TAPT1: variants seen among roughly 807,000 people sequenced by gnomAD.
TAPT1 encodes transmembrane anterior posterior transformation protein 1 homolog.
Under a neutral mutation model 65.6 loss-of-function variants are expected in TAPT1, and 28 were observed. The observed-to-expected ratio is 0.43, with a 90% CI of 0.32 to 0.59. The LOEUF (loss-of-function observed/expected upper bound fraction) is 0.59, where lower values mean the gene tolerates loss of function less well. Among genes scored for constraint, TAPT1 ranks in the 20% least tolerant of loss-of-function variants. The pLI is 0.09. For synonymous variants in TAPT1, 278 were observed against 245.2 expected (o/e 1.13, Z -1.25); for missense variants, 563 against 679.9 (o/e 0.83, Z 1.91).
intron 12 of TAPT1, among the ~76,000 whole-genome samples, chr4:16,168,140 G>A (rs1309608172): frequency 6.6e-6 from 1 of 150,634 alleles, no homozygotes; most frequent in Admixed American, 6.6e-5. Context: ...TTAAGAAGCA[G>A]TCTTGCATTG....
rs757324466 is a variant in TAPT1 at position 16,179,788 on chromosome 4, T to TTA, written c.917-133_917-132dup. 5,100 of 427,338 alleles carry TTA rather than the reference T, an allele frequency of 0.012. 91 individuals are homozygous for TTA. The highest frequency in any genetic ancestry group is 0.046 in the African/African-American group (1,975 of 42,862). 26.5% of individuals were successfully genotyped at this position (427,338 alleles called of 1,614,324 possible). A position where few individuals can be genotyped will look rare whatever the true frequency, so the allele number is the denominator to read the frequency against. ...TATAAATGTCTATAAATATACAACTTTATATATATATATATGTGTGTGTGT... is the reference window on the plus strand; with the variant it reads ...TATAAATGTCTATAAATATACAACTTTATATATATATATATATGTGTGTGTGT... On this transcript the variant is annotated intron_variant, in intron 7 of 13. Coordinates refer to ENST00000405303, the MANE Select transcript of TAPT1 (RefSeq NM_153365.3).
In TAPT1 at chr4:16,191,361, C is replaced by T. The variant is rs1749362178; in HGVS notation, c.612G>A (p.Glu204=). The T allele has an allele frequency of 1.3e-6, 2 of 1,598,446 alleles. No homozygotes were observed. The highest frequency in any genetic ancestry group is 1.1e-5 in the South Asian group (1 of 87,728). Residue 204 remains glutamate, a splice_region_variant and synonymous_variant, in exon 4 of 14, where the codon GAG becomes GAA. Coordinates refer to ENST00000405303, the MANE Select transcript of TAPT1 (RefSeq NM_153365.3). ...IKLYIIYNML[E]VADRLFSSFG... ...TGTGCGGGGTAAGCAAGGCCCTTAC[C>T]TCCAGCATGTTGTAGATGATGTAGA...
chr4:16,203,962 C>T (rs1750190332), intron 2 of TAPT1, among the ~76,000 whole-genome samples: 2 of 152,074 alleles, frequency 1.3e-5, no homozygotes, highest in African/African-American at 4.8e-5. Flanking sequence ...AGTGAAAATA[C>T]GATGCTAGAT....
Position 16,213,899 on chromosome 4 carries a change from C to A in TAPT1, c.200-1G>T. 6.3e-7 allele frequency: 1 copy of A among 1,581,700 alleles called. No homozygotes were observed. The highest frequency in any genetic ancestry group is 1.2e-5 in the South Asian group (1 of 85,200). On this transcript the variant is annotated splice_acceptor_variant, in intron 1 of 13. Coordinates refer to ENST00000405303, the MANE Select transcript of TAPT1 (RefSeq NM_153365.3). LOFTEE classifies it high-confidence loss of function. ...CTGAGGAACCTCAACAATGAAAGCT[C>A]TACAGAAAAGAAAATGACAGAAAAC...
intron 8 of TAPT1, among the ~76,000 whole-genome samples, chr4:16,177,127 T>C (rs908737954): frequency 2.0e-5 from 3 of 152,152 alleles, no homozygotes; most frequent in Non-Finnish European, 4.4e-5. Context: ...TCAAAATAGG[T>C]AGAAGAGAAG....
intron 8 of TAPT1, among the ~76,000 whole-genome samples, chr4:16,178,206 CTG>C (rs1036171429): frequency 2.6e-5 from 4 of 152,094 alleles, no homozygotes; most frequent in African/African-American, 7.2e-5. Context: ...AAGAATCTAG[CTG>C]TGTGTGTGGA....
At chr4:16,171,369 G>T (rs935253142) in intron 11 of TAPT1, among the ~76,000 whole-genome samples, 3 of 152,098 alleles carry the variant, frequency 2.0e-5, no homozygotes, top group Admixed American at 6.6e-5. Flanking sequence ...AGAAATAAAG[G>T]AATAAAAGCA....
intron 13 of TAPT1, among the ~76,000 whole-genome samples, chr4:16,166,163 C>T (rs1366201841): frequency 6.6e-6 from 1 of 152,214 alleles, no homozygotes; most frequent in Non-Finnish European, 1.5e-5. Context: ...GGAGCTGCTC[C>T]TGGAAGGCTG....
chr4:16,170,602 T>G, intron 12 of TAPT1, 51 bp downstream of exon 12: 2 of 1,363,650 alleles, frequency 1.5e-6, no homozygotes, highest in East Asian at 4.6e-5. Context: ...CATTACATCT[T>G]GCATTTATGC....
chr4:16,174,095 T>C, intron 11 of TAPT1, 109 bp downstream of exon 11: 1 of 948,068 alleles, frequency 1.1e-6, no homozygotes, highest in Non-Finnish European at 1.5e-6. Flanking sequence ...TATTTACCCT[T>C]AATTTTTATA....
rs575450073 is a variant in TAPT1 at position 16,186,023 on chromosome 4, C to A, written c.916+512G>T. Among the ~76,000 whole-genome samples the A allele has an allele frequency of 1.6e-4, 24 of 152,338 alleles. No individual in the cohort carries two copies. In the East Asian group the frequency reaches 4.0e-3, roughly 26 times the overall value. On this transcript the variant is annotated intron_variant, in intron 7 of 13. Transcript: ENST00000405303. ...TTCTTGGGGGCTCCATGATCCACCA[C>A]GCAATGTGGCTCTGGCTTTCAAAAA... is the stretch of plus-strand genomic sequence containing the variant.
rs1751567104 is a variant in TAPT1, at chr4:16,226,405, A to ACGCCGCCAC, written c.44_52dup (p.Gly15_Gly17dup). ...GCGGCCGTCCCGCTGCGGGCCGTCC[A>ACGCCGCCAC]CGCCGCCACCGCCGCCTTCTCCCGG... is the stretch of plus-strand genomic sequence containing the variant. On this transcript the variant is annotated inframe_insertion, in exon 1 of 14. Transcript: ENST00000405303. 1 of 1,089,956 alleles carries ACGCCGCCAC rather than the reference A, an allele frequency of 9.2e-7. No homozygotes were observed. Among genetic ancestry groups the ACGCCGCCAC allele is most frequent in the East Asian group, 5.7e-5 (1 of 17,470 alleles). 67.5% of individuals were successfully genotyped at this position (1,089,956 alleles called of 1,614,324 possible). A position where few individuals can be genotyped will look rare whatever the true frequency, so the allele number is the denominator to read the frequency against.
intron 12 of TAPT1, among the ~76,000 whole-genome samples, chr4:16,170,256 A>G (rs1468735512): frequency 6.6e-6 from 1 of 152,224 alleles, no homozygotes. Flanking sequence ...TGTGCATTAC[A>G]TTTGGGTTTA....
chr4:16,213,748 TA>T lies in TAPT1; in HGVS notation c.330+19del. On this transcript the variant is annotated intron_variant, in intron 2 of 13. Transcript: ENST00000405303. ...ACATAACTTTCAAAATGATGTCTGG[TA>T]ATGAAGAAAAAATAGTACCTTTTCC... 6.5e-7 allele frequency: 1 copy of T among 1,534,590 alleles called. No homozygotes were observed. Among genetic ancestry groups the T allele is most frequent in the South Asian group, 1.3e-5 (1 of 78,504 alleles).
rs1935910161 is a variant in TAPT1, at chr4:16,163,241, A to G, written c.*67T>C. 1 of 1,110,732 alleles carries G rather than the reference A, an allele frequency of 9.0e-7. No homozygotes were observed. The highest frequency in any genetic ancestry group is 1.4e-6 in the Non-Finnish European group (1 of 730,290). 68.8% of individuals were successfully genotyped at this position (1,110,732 alleles called of 1,614,324 possible). Reference sequence around the variant, plus strand: ...TATTTAAGTGCCATGTTTAGCATCTATTTGTCCTGGCAACACAGCACTTGT... The same window carrying G: ...TATTTAAGTGCCATGTTTAGCATCTGTTTGTCCTGGCAACACAGCACTTGT... On this transcript the variant is annotated 3_prime_UTR_variant, in exon 14 of 14. Coordinates refer to ENST00000405303, the MANE Select transcript of TAPT1 (RefSeq NM_153365.3).
At chr4:16,206,750 T>G (rs1274599528) in intron 2 of TAPT1, among the ~76,000 whole-genome samples, 3 of 152,056 alleles carry the variant, frequency 2.0e-5, no homozygotes, top group African/African-American at 7.2e-5. Context: ...TAAGACTGTT[T>G]CCAAAGCTGA....
intron 3 of TAPT1, among the ~76,000 whole-genome samples, chr4:16,193,799 A>C (rs1749527512): frequency 6.6e-6 from 1 of 152,248 alleles, no homozygotes; most frequent in Non-Finnish European, 1.5e-5. Flanking sequence ...TGAAAGTCAC[A>C]CATCATCAAC....
chr4:16,195,009 G>A (rs1749616632), intron 3 of TAPT1, among the ~76,000 whole-genome samples: 1 of 152,102 alleles, frequency 6.6e-6, no homozygotes, highest in African/African-American at 2.4e-5. Flanking sequence ...TGGGATTACA[G>A]GCTTGAGCCA....
rs756498331 is a variant in TAPT1 at position 16,186,867 on chromosome 4, T to C, written c.760A>G (p.Ile254Val). 6.8e-6 allele frequency: 11 copies of C among 1,608,532 alleles called. No individual in the cohort carries two copies. The highest frequency in any genetic ancestry group is 6.7e-5 in the East Asian group (3 of 44,710). Residue 254 changes from isoleucine to valine, a missense_variant, in exon 6 of 14, where the codon ATT becomes GTT. Ile to Val is a conservative substitution (Grantham distance 29). Transcript: ENST00000405303. ...GTTGTTGCTTGAACCATTATAAGAA[T>C]TGCATGCAAAACTAATAGAAGGTCA... is the stretch of plus-strand genomic sequence containing the variant. The part of the protein sequence containing the change: ...MAVLYVFLHA[I>V]LIMVQATTLN...
Sources: gnomAD v4.1 joint callset for allele counts (sites outside exome capture counted in the v4.1 genomes callset) on GRCh38, gnomAD v4.1.1 for gene constraint, MANE v1.5 for transcripts, NCBI Gene and HGNC (gene_info 2026-07-23, HGNC 2026-07-21) for gene names.